REV1: variants seen among roughly 807,000 people sequenced by gnomAD.
REV1 encodes the protein translesion synthesis protein REV1.
Under a neutral mutation model 137.4 loss-of-function variants are expected in REV1, and 42 were observed. The observed-to-expected ratio is 0.31, with a 90% CI of 0.24 to 0.40. The LOEUF (loss-of-function observed/expected upper bound fraction) is 0.40, where lower values mean the gene tolerates loss of function less well. Ranked by LOEUF, REV1 falls within the 10% of genes least tolerant of loss-of-function variation. The pLI is 1.00. For synonymous variants in REV1, 524 were observed against 519.2 expected (o/e 1.01, Z -0.12); for missense variants, 1,282 against 1,490.1 (o/e 0.86, Z 2.30).
chr2:99,404,800 C>T, intron 17 of REV1, 123 bp from the exon 18 acceptor site: 1 of 739,228 alleles, frequency 1.4e-6, no homozygotes, highest in Non-Finnish European at 2.2e-6. Context: ...AAGGTACAGA[C>T]CATCAAGCTA....
intron 2 of REV1, among the ~76,000 whole-genome samples, chr2:99,463,420 G>A (rs1684450157): frequency 1.3e-5 from 2 of 152,148 alleles, no homozygotes; most frequent in African/African-American, 4.8e-5. Flanking sequence ...TCAGGAGGCT[G>A]AGGCAGGAGA....
chr2:99,449,925 AAG>A (rs773697582), intron 3 of REV1, among the ~76,000 whole-genome samples: 3 of 152,234 alleles, frequency 2.0e-5, no homozygotes, highest in African/African-American at 4.8e-5. Flanking sequence ...CAGAGTATAC[AAG>A]AGGAGTCAGA....
intron 6 of REV1, among the ~76,000 whole-genome samples, chr2:99,438,218 C>T (rs1681011109): frequency 1.3e-5 from 2 of 152,102 alleles, no homozygotes; most frequent in African/African-American, 2.4e-5. Flanking sequence ...CATTATGATG[C>T]AAGCTTCTAG....
At chr2:99,416,702 G>A (rs576373685) in intron 12 of REV1, among the ~76,000 whole-genome samples, 12 of 151,972 alleles carry the variant, frequency 7.9e-5, no homozygotes, top group Middle Eastern at 3.4e-3. Flanking sequence ...CGAGGCGGGC[G>A]GATCATGAGG....
In REV1 at chr2:99,459,084, T is replaced by G. The variant is rs573907033; in HGVS notation, c.181+3412A>C. ...TTAGCCAGGCGTGGTGGTGGCCACC[T>G]GTAGTCCCAGCTACTCGGGAGGCTG... On this transcript the variant is annotated intron_variant, in intron 3 of 22. Coordinates refer to ENST00000258428, the MANE Select transcript of REV1 (RefSeq NM_016316.4). 6.6e-5 allele frequency among the ~76,000 whole-genome samples: 10 copies of G among 152,142 alleles called. No homozygotes were observed. The East Asian group carries it at 1.2e-3, about 18-fold the overall frequency.
chr2:99,470,371 CAAAGT>C (rs1685280635), intron 1 of REV1, among the ~76,000 whole-genome samples: 1 of 152,112 alleles, frequency 6.6e-6, no homozygotes, highest in Admixed American at 6.5e-5. Context: ...TTGTAAAAAG[CAAAGT>C]AGAGGTTCCT....
At chr2:99,446,234 G>A (rs1575127522) in intron 4 of REV1, among the ~76,000 whole-genome samples, 1 of 152,134 alleles carries the variant, frequency 6.6e-6, no homozygotes, top group East Asian at 1.9e-4. Flanking sequence ...AACCTACTCT[G>A]TTCTTGGGCA....
chr2:99,450,894 A>G (rs1171980566), intron 3 of REV1, among the ~76,000 whole-genome samples: 4 of 152,336 alleles, frequency 2.6e-5, no homozygotes, highest in East Asian at 3.9e-4. Context: ...ACTAGCAGCT[A>G]CCAAACTGGG....
In REV1 at chr2:99,440,259, C is replaced by T. The variant is rs895297290; in HGVS notation, c.504-949G>A. On this transcript the variant is annotated intron_variant, in intron 5 of 22. Coordinates refer to ENST00000258428, the MANE Select transcript of REV1 (RefSeq NM_016316.4). ...GTAACAAAAACAAAAACCTGAATTA[C>T]AAAGCAGTAATTCATTCTACTTAGG... is the stretch of plus-strand genomic sequence containing the variant. Among the ~76,000 whole-genome samples the T allele has an allele frequency of 2.0e-5, 3 of 152,192 alleles. No homozygotes were observed. The East Asian group carries it at 5.8e-4, about 29-fold the overall frequency.
At chr2:99,479,072 G>A (rs927222928) in intron 1 of REV1, among the ~76,000 whole-genome samples, 5 of 152,130 alleles carry the variant, frequency 3.3e-5, no homozygotes, top group Non-Finnish European at 5.9e-5. Context: ...GCTCATACCT[G>A]TAATCCCAGC....
intron 1 of REV1, among the ~76,000 whole-genome samples, chr2:99,471,139 ACAC>A (rs916033210): frequency 1.4e-4 from 7 of 51,748 alleles, no homozygotes; most frequent in African/African-American, 4.6e-4. Context: ...CAAGGTTGAA[ACAC>A]AATTTGCCTT....
intron 4 of REV1, among the ~76,000 whole-genome samples, chr2:99,445,586 C>T (rs573154933): frequency 3.9e-5 from 6 of 152,178 alleles, no homozygotes; most frequent in Admixed American, 6.5e-5. Context: ...CAGTGGGGTA[C>T]GTCATAGCAG....
chr2:99,446,946 T>C (rs1015272738), intron 4 of REV1, among the ~76,000 whole-genome samples: 3 of 152,016 alleles, frequency 2.0e-5, no homozygotes, highest in Non-Finnish European at 4.4e-5. Flanking sequence ...ACAGCTCAAC[T>C]CTGAGTGATC....
In REV1 at chr2:99,406,455, A is replaced by G. The variant is rs369682349; in HGVS notation, c.2484T>C (p.Asn828=). The G allele has an allele frequency of 3.7e-6, 6 of 1,612,704 alleles. No individual in the cohort carries two copies. The highest frequency in any genetic ancestry group is 8.5e-7 in the Non-Finnish European group (1 of 1,179,306). Residue 828 remains asparagine, a synonymous_variant, in exon 16 of 23, where the codon AAT becomes AAC. Transcript: ENST00000258428. Reference sequence around the variant, plus strand: ...GACTGGGACATGTGGAAGGGTTCAGATTAGTTGGAACCAACTGATTCACGT... The same window carrying G: ...GACTGGGACATGTGGAAGGGTTCAGGTTAGTTGGAACCAACTGATTCACGT... ...GIHVNQLVPT[N]LNPSTCPSRP... is the part of the protein sequence containing the mutation.
At chr2:99,443,411 A>C (rs912572837) in intron 4 of REV1, among the ~76,000 whole-genome samples, 4 of 152,224 alleles carry the variant, frequency 2.6e-5, no homozygotes, top group Non-Finnish European at 2.9e-5. Flanking sequence ...TCATTTTCTT[A>C]AATGGTGTCA....
At chr2:99,402,148 AG>A (rs1675552227) in intron 22 of REV1, 95 bp downstream of exon 22, 1 of 613,662 alleles carries the variant, frequency 1.6e-6, no homozygotes, top group Admixed American at 3.3e-5. Flanking sequence ...AACCCTAATG[AG>A]TACAGTTTCC....
intron 19 of REV1, 97 bp downstream of exon 19, chr2:99,403,598 G>T: frequency 2.0e-6 from 3 of 1,500,562 alleles, no homozygotes; most frequent in Non-Finnish European, 2.8e-6. Flanking sequence ...TAATGCAACA[G>T]CTTAGACTTT....
intron 1 of REV1, among the ~76,000 whole-genome samples, chr2:99,488,640 C>T (rs911006428): frequency 1.3e-5 from 2 of 152,210 alleles, no homozygotes; most frequent in African/African-American, 4.8e-5. Context: ...GAACAATACG[C>T]AGCACTGGTC....
chr2:99,454,177 G>A (rs1366116685), intron 3 of REV1, among the ~76,000 whole-genome samples: 2 of 150,524 alleles, frequency 1.3e-5, no homozygotes, highest in African/African-American at 4.9e-5. Flanking sequence ...ATCATTTGAG[G>A]CCATGAGTTT....
Sources: allele counts gnomAD v4.1 joint callset (sites outside exome capture counted in the v4.1 genomes callset), GRCh38; gene constraint gnomAD v4.1.1; transcripts MANE v1.5; gene names NCBI Gene and HGNC (gene_info 2026-07-23, HGNC 2026-07-21).